NTM: variants seen among roughly 807,000 people sequenced by gnomAD.
The protein encoded by NTM is neurotrimin.
NTM carries 13 observed loss-of-function variants against 42.1 expected under a neutral mutation model. The observed-to-expected ratio is 0.31, with a 90% CI of 0.20 to 0.49. The LOEUF (loss-of-function observed/expected upper bound fraction) is 0.49. NTM is among the 20% of genes least tolerant of loss of function. The pLI is 0.99. For synonymous variants in NTM, 187 were observed against 179.2 expected (o/e 1.04, Z -0.35); for missense variants, 373 against 452.8 (o/e 0.82, Z 1.60).
At chr11:132,085,774 A>T (rs2059625577) in intron 2 of NTM, among the ~76,000 whole-genome samples, 1 of 152,260 alleles carries the variant, frequency 6.6e-6, no homozygotes, top group South Asian at 2.1e-4. Flanking sequence ...AAATCTCCTA[A>T]TTGGATTATT....
At chr11:132,050,431 G>C (rs774817558) in intron 2 of NTM, among the ~76,000 whole-genome samples, 15 of 152,136 alleles carry the variant, frequency 9.9e-5, no homozygotes, top group Admixed American at 2.6e-4. Context: ...TAACAAAGTT[G>C]GGGGGAAAGG....
intron 2 of NTM, among the ~76,000 whole-genome samples, chr11:132,128,268 G>A (rs1001982200): frequency 2.0e-5 from 3 of 151,930 alleles, no homozygotes; most frequent in Non-Finnish European, 4.4e-5. Flanking sequence ...AAACATGTTT[G>A]CTAATCATTT....
intron 1 of NTM, among the ~76,000 whole-genome samples, chr11:131,719,179 G>A (rs1234123086): frequency 6.6e-6 from 1 of 152,106 alleles, no homozygotes; most frequent in South Asian, 2.1e-4. Context: ...TGAAGTGCTG[G>A]GATTACAGAC....
At chr11:131,651,204 G>A (rs1304407471) in intron 1 of NTM, among the ~76,000 whole-genome samples, 1 of 152,176 alleles carries the variant, frequency 6.6e-6, no homozygotes, top group Non-Finnish European at 1.5e-5. Flanking sequence ...GACAGATACT[G>A]TGTAGGTGGT....
intron 1 of NTM, among the ~76,000 whole-genome samples, chr11:131,463,176 G>T (rs895756716): frequency 2.0e-5 from 3 of 152,158 alleles, no homozygotes; most frequent in Non-Finnish European, 4.4e-5. Flanking sequence ...CCATCCTATT[G>T]CCCTCCTGTC....
At chr11:131,487,751 G>A (rs1954338359) in intron 1 of NTM, among the ~76,000 whole-genome samples, 1 of 149,446 alleles carries the variant, frequency 6.7e-6, no homozygotes, top group Admixed American at 6.6e-5. Flanking sequence ...AAGGGGGAAG[G>A]GATAATGTTT....
At chr11:131,602,384 C>T (rs1414936869) in intron 1 of NTM, among the ~76,000 whole-genome samples, 3 of 152,180 alleles carry the variant, frequency 2.0e-5, no homozygotes, top group African/African-American at 7.2e-5. Context: ...TATCTTACCA[C>T]TTATTAAATA....
chr11:131,615,427 G>A (rs971817264), intron 1 of NTM, among the ~76,000 whole-genome samples: 1 of 152,056 alleles, frequency 6.6e-6, no homozygotes, highest in African/African-American at 2.4e-5. Context: ...GTGCAGTGGT[G>A]CAATCTCGGT....
At chr11:132,235,289 G>T (rs960216301) in intron 4 of NTM, among the ~76,000 whole-genome samples, 3 of 152,178 alleles carry the variant, frequency 2.0e-5, no homozygotes, top group African/African-American at 7.2e-5. Context: ...AGCAAGGTGG[G>T]TTATCAAACC....
At chr11:131,843,500 G>C (rs1025568239) in intron 1 of NTM, among the ~76,000 whole-genome samples, 5 of 152,132 alleles carry the variant, frequency 3.3e-5, no homozygotes, top group African/African-American at 1.2e-4. Context: ...TATTACCACT[G>C]TTTAGCTCTC....
chr11:131,408,790 G>A (rs1051312300), intron 1 of NTM, among the ~76,000 whole-genome samples: 6 of 152,182 alleles, frequency 3.9e-5, no homozygotes, highest in African/African-American at 7.2e-5. Flanking sequence ...CATCACATCG[G>A]CACTCAGATC....
intron 2 of NTM, among the ~76,000 whole-genome samples, chr11:132,099,728 T>C (rs1286163411): frequency 2.6e-5 from 4 of 152,176 alleles, no homozygotes; most frequent in African/African-American, 7.2e-5. Flanking sequence ...ACCCTGCTAC[T>C]TTCCGGATAA....
chr11:131,765,045 C>T (rs2084890416), intron 1 of NTM, among the ~76,000 whole-genome samples: 2 of 152,228 alleles, frequency 1.3e-5, no homozygotes, highest in East Asian at 1.9e-4. Context: ...GGAACCCAGC[C>T]GGCGCTTCTC....
chr11:131,781,736 A>G (rs1056020252), intron 1 of NTM, among the ~76,000 whole-genome samples: 1 of 152,248 alleles, frequency 6.6e-6, no homozygotes, highest in Non-Finnish European at 1.5e-5. Flanking sequence ...ATGACAGTCA[A>G]TGAAGACAGT....
intron 3 of NTM, among the ~76,000 whole-genome samples, chr11:132,198,241 T>C (rs1419275611): frequency 6.6e-6 from 1 of 151,924 alleles, no homozygotes; most frequent in Non-Finnish European, 1.5e-5. Flanking sequence ...GGTCTTTCCA[T>C]GATGCCCTTG....
At chr11:132,157,684 T>C (rs2073478115) in intron 3 of NTM, among the ~76,000 whole-genome samples, 1 of 152,174 alleles carries the variant, frequency 6.6e-6, no homozygotes, top group African/African-American at 2.4e-5. Flanking sequence ...TTTTCTCCAC[T>C]ATGTGTCTCA....
intron 1 of NTM, among the ~76,000 whole-genome samples, chr11:131,674,666 C>G (rs546134205): frequency 2.0e-5 from 3 of 152,214 alleles, no homozygotes; most frequent in African/African-American, 4.8e-5. Context: ...ACAGAACCAG[C>G]CTTATTGTTC....
At chr11:131,922,130 A>G (rs1464286880) in intron 2 of NTM, 2 of 152,628 alleles carry the variant, frequency 1.3e-5, no homozygotes, top group Non-Finnish European at 2.9e-5. Flanking sequence ...GGAGTCCTCA[A>G]AAGTGGCTGT....
rs546656318 is a variant in NTM, at chr11:131,617,385, G to A, written c.82+246497G>A. Among the ~76,000 whole-genome samples, 9 of 152,306 alleles carry A rather than the reference G, an allele frequency of 5.9e-5. No individual in the cohort carries two copies. In the South Asian group the frequency reaches 8.3e-4, roughly 14 times the overall value. ...TTCATCTTAGTTTTGCTGAGTTCCC[G>A]ATTCTACTGCGATTGTGATTCAGGG... On this transcript the variant is annotated intron_variant, in intron 1 of 8. Transcript: ENST00000683400.
Sources: allele counts gnomAD v4.1 joint callset (sites outside exome capture counted in the v4.1 genomes callset), GRCh38; gene constraint gnomAD v4.1.1; transcripts MANE v1.5; gene names NCBI Gene and HGNC (gene_info 2026-07-23, HGNC 2026-07-21).